SYT16: variants seen among roughly 807,000 people sequenced by gnomAD.
The protein encoded by SYT16 is synaptotagmin 16, also known as synaptotagmin-16.
SYT16 carries 42 observed loss-of-function variants against 61.4 expected under a neutral mutation model. The observed-to-expected ratio is 0.68, with a 90% CI of 0.53 to 0.89. The LOEUF (loss-of-function observed/expected upper bound fraction) is 0.89, where lower values mean the gene tolerates loss of function less well. Ranked by LOEUF, SYT16 falls within the 40% of genes least tolerant of loss-of-function variation. The pLI is 0.00. For synonymous variants in SYT16, 314 were observed against 302.3 expected (o/e 1.04, Z -0.40); for missense variants, 804 against 807.3 (o/e 1.00, Z 0.05).
At chr14:62,067,961 G>T (rs1228862681) in intron 3 of SYT16, among the ~76,000 whole-genome samples, 1 of 152,146 alleles carries the variant, frequency 6.6e-6, no homozygotes, top group Non-Finnish European at 1.5e-5. Context: ...ACTCCAGCCT[G>T]GGTGGCAGAG....
At chr14:61,988,185 A>G (rs2052399538) in intron 2 of SYT16, among the ~76,000 whole-genome samples, 1 of 152,152 alleles carries the variant, frequency 6.6e-6, no homozygotes, top group African/African-American at 2.4e-5. Context: ...ATTGCTTTAG[A>G]TTGGATGACA....
chr14:61,970,612 T>C (rs1228055831), intron 2 of SYT16, among the ~76,000 whole-genome samples: 1 of 152,202 alleles, frequency 6.6e-6, no homozygotes. Flanking sequence ...GCATTTCACT[T>C]GTTAGCTGTT....
chr14:61,938,450 T>G (rs2050076883), intron 1 of SYT16, among the ~76,000 whole-genome samples: 1 of 151,898 alleles, frequency 6.6e-6, no homozygotes, highest in African/African-American at 2.4e-5. Flanking sequence ...GGGACTTGAC[T>G]AGGAAGGCAT....
In SYT16 at chr14:61,886,898, C is replaced by CT. The variant is rs377557650; in HGVS notation, c.-325+74101dup. Among the ~76,000 whole-genome samples, 70 of 98,170 alleles carry CT rather than the reference C, an allele frequency of 7.1e-4. 5 individuals are homozygous for CT. Among genetic ancestry groups the CT allele is most frequent in the African/African-American group, 1.2e-3 (30 of 25,328 alleles). 64.4% of individuals were successfully genotyped at this position (98,170 alleles called of 152,430 possible). ...TTTTTGTCTTTTTTTTTTTTTTTGT[C>CT]TTTTTTTTTTTTTCCTTTTTATGGA... On this transcript the variant is annotated intron_variant, in intron 1 of 7. Transcript: ENST00000683842.
At chr14:61,814,578 CAACTG>C (rs1294302954) in intron 1 of SYT16, among the ~76,000 whole-genome samples, 1 of 152,164 alleles carries the variant, frequency 6.6e-6, no homozygotes, top group Non-Finnish European at 1.5e-5. Flanking sequence ...ATGGTATACT[CAACTG>C]TACTGAAGAA....
At chr14:62,028,198 C>T (rs1209516349) in intron 3 of SYT16, among the ~76,000 whole-genome samples, 1 of 152,158 alleles carries the variant, frequency 6.6e-6, no homozygotes, top group East Asian at 1.9e-4. Context: ...AATTGATTGT[C>T]TTGCAATGGT....
chr14:61,970,232 G>A lies in SYT16; in HGVS notation c.-224G>A, dbSNP rs571654811. ...TCAACAAGAAGCTGTGTTTTGAAAC[G>A]ATAGGAGGCCTTCCTTTCCTGGAGC... On this transcript the variant is annotated 5_prime_UTR_variant, in exon 2 of 8. Transcript: ENST00000683842. 1 of 152,196 alleles carries A rather than the reference G, an allele frequency of 6.6e-6. No homozygotes were observed. Among genetic ancestry groups the A allele is most frequent in the Admixed American group, 6.6e-5 (1 of 15,256 alleles). The allele number at this position is 152,196 out of a possible 1,614,324, so 9.4% of individuals were successfully genotyped here.
chr14:61,822,646 T>C (rs969785278), intron 1 of SYT16, among the ~76,000 whole-genome samples: 1 of 152,226 alleles, frequency 6.6e-6, no homozygotes, highest in Non-Finnish European at 1.5e-5. Context: ...TGAGCTGCTA[T>C]TGGGGAAGTC....
At chr14:62,004,744 G>A (rs1446817537) in intron 3 of SYT16, among the ~76,000 whole-genome samples, 1 of 152,212 alleles carries the variant, frequency 6.6e-6, no homozygotes, top group East Asian at 1.9e-4. Flanking sequence ...TACTGTGGAG[G>A]CAGAAGACGA....
At chr14:61,991,111 A>C (rs934631592) in intron 2 of SYT16, among the ~76,000 whole-genome samples, 1 of 152,066 alleles carries the variant, frequency 6.6e-6, no homozygotes, top group Non-Finnish European at 1.5e-5. Flanking sequence ...TACTTTGTAA[A>C]TCTTCCCAGG....
chr14:61,948,179 AG>A (rs1318200498), intron 1 of SYT16, among the ~76,000 whole-genome samples: 1 of 152,108 alleles, frequency 6.6e-6, no homozygotes, highest in African/African-American at 2.4e-5. Flanking sequence ...TAATTCTATT[AG>A]GGGTTAGTAG....
chr14:62,097,602 G>A (rs1029068688), intron 7 of SYT16, among the ~76,000 whole-genome samples: 12 of 152,156 alleles, frequency 7.9e-5, no homozygotes, highest in African/African-American at 1.9e-4. Flanking sequence ...AGATGTTTCC[G>A]TTTTGAACTA....
At chr14:61,943,698 A>G (rs965397097) in intron 1 of SYT16, among the ~76,000 whole-genome samples, 2 of 151,974 alleles carry the variant, frequency 1.3e-5, no homozygotes, top group Non-Finnish European at 2.9e-5. Flanking sequence ...CATGCTAAAA[A>G]CTCTCGATAA....
intron 1 of SYT16, among the ~76,000 whole-genome samples, chr14:61,908,260 T>C (rs2048800399): frequency 6.6e-6 from 1 of 152,200 alleles, no homozygotes; most frequent in Non-Finnish European, 1.5e-5. Flanking sequence ...ATAAGCCAGA[T>C]TGAAGAGAAT....
chr14:61,973,674 A>T (rs1057001259), intron 2 of SYT16, among the ~76,000 whole-genome samples: 7 of 152,172 alleles, frequency 4.6e-5, no homozygotes, highest in South Asian at 2.1e-4. Context: ...CTTCCAAAAA[A>T]CTTTATATTC....
chr14:62,072,152 A>T (rs1450765062), intron 4 of SYT16, among the ~76,000 whole-genome samples: 1 of 152,150 alleles, frequency 6.6e-6, no homozygotes, highest in East Asian at 1.9e-4. Flanking sequence ...TTTTTCTAGC[A>T]GTAACCTTAT....
chr14:62,068,249 A>G (rs1026701881), intron 3 of SYT16, among the ~76,000 whole-genome samples: 9 of 152,212 alleles, frequency 5.9e-5, no homozygotes, highest in Non-Finnish European at 1.3e-4. Context: ...AATTTTTAAA[A>G]AGGAGATCTG....
chr14:61,941,538 T>G (rs189573467), intron 1 of SYT16, among the ~76,000 whole-genome samples: 23 of 152,192 alleles, frequency 1.5e-4, no homozygotes, highest in Non-Finnish European at 3.1e-4. Flanking sequence ...TTTCCCTCTT[T>G]CCAGCACAAT....
At position 62,086,088 on chromosome 14, in the gene SYT16, A is replaced by G. The variant is rs187550268; in HGVS notation, c.1624+1703A>G. ...TTGGTATATTGGGTGGTACCGGGCA[A>G]TCCAGAGGAGAGGTACATCATCGTG... On this transcript the variant is annotated intron_variant, in intron 7 of 7. Transcript: ENST00000683842. Among the ~76,000 whole-genome samples, 181 of 152,278 alleles carry G rather than the reference A, an allele frequency of 1.2e-3. 1 individual carries two copies. The highest frequency in any genetic ancestry group is 4.0e-3 in the African/African-American group (167 of 41,562).
Sources: allele counts gnomAD v4.1 joint callset (sites outside exome capture counted in the v4.1 genomes callset), GRCh38; gene constraint gnomAD v4.1.1; transcripts MANE v1.5; gene names NCBI Gene and HGNC (gene_info 2026-07-23, HGNC 2026-07-21).